The following KYAT3 variants were observed in gnomAD, a reference collection of about 807,000 sequenced individuals.
KYAT3 encodes kynurenine aminotransferase 3, also known as kynurenine--oxoglutarate transaminase 3.
Under a neutral mutation model 59.0 loss-of-function variants are expected in KYAT3, and 50 were observed. The ratio of observed to expected loss-of-function variants is 0.85; its 90% CI spans 0.68 to 1.07. The LOEUF (loss-of-function observed/expected upper bound fraction) is 1.07, where lower values mean the gene tolerates loss of function less well. KYAT3 is among the 50% of genes least tolerant of loss of function. The pLI, the probability that KYAT3 is intolerant of heterozygous loss-of-function variation, is 0.00. For synonymous variants in KYAT3, 148 were observed against 177.0 expected, an observed-to-expected ratio of 0.84 and a Z score of 1.30; for missense variants, 497 against 533.3, an observed-to-expected ratio of 0.93 and a Z score of 0.67.
At chr1:88,961,952 C>G (rs928933419) in intron 6 of KYAT3, 107 bp downstream of exon 6, 23 of 783,012 alleles carry the variant, frequency 2.9e-5, no homozygotes, top group Non-Finnish European at 4.6e-5. Context: ...TACAGGAAAT[C>G]TCCAAATGCA....
At chr1:88,974,649 A>C (rs1396341105) in intron 2 of KYAT3, among the ~76,000 whole-genome samples, 1 of 151,676 alleles carries the variant, frequency 6.6e-6, no homozygotes, top group African/African-American at 2.4e-5. Flanking sequence ...GGACTTGGAG[A>C]ACTTTTCTGT....
chr1:88,980,298 G>GT (rs968359275), intron 2 of KYAT3: 7 of 152,604 alleles, frequency 4.6e-5, no homozygotes, highest in African/African-American at 1.7e-4. Flanking sequence ...ACAGTTTACT[G>GT]TAACTTGATA....
intron 13 of KYAT3, among the ~76,000 whole-genome samples, chr1:88,939,818 T>A (rs1464607638): frequency 6.6e-6 from 1 of 152,150 alleles, no homozygotes; most frequent in Non-Finnish European, 1.5e-5. Flanking sequence ...TCTTTTCAAT[T>A]TCCTACCTGA....
chr1:88,952,330 T>C (rs1675708449), intron 10 of KYAT3, among the ~76,000 whole-genome samples: 1 of 152,206 alleles, frequency 6.6e-6, no homozygotes, highest in Non-Finnish European at 1.5e-5. Flanking sequence ...TGATATGGTT[T>C]GGATCTGTGT....
At chr1:88,969,655 C>CTT (rs34051025) in intron 2 of KYAT3, among the ~76,000 whole-genome samples, 188 bp from the exon 3 acceptor site, 4,626 of 146,220 alleles carry the variant, frequency 0.032, 216 homozygotes, top group African/African-American at 0.11. Context: ...GAAGGAATGC[C>CTT]TTTTTTTTTT....
chr1:88,955,347 ATAGTT>A, intron 8 of KYAT3, 122 bp from the exon 9 acceptor site: 2 of 610,402 alleles, frequency 3.3e-6, no homozygotes, highest in South Asian at 2.2e-5. Context: ...TTTAGCCAGT[ATAGTT>A]ATTTCTAGTT....
In KYAT3 at chr1:88,939,073, T is replaced by G. The variant is rs1675142966; in HGVS notation, c.1303-2828A>C. On this transcript the variant is annotated intron_variant, in intron 13 of 13. Transcript: ENST00000260508. The stretch of plus-strand genomic sequence containing the variant: ...TCCCACTCTCAATTTGTGAGAGTGT[T>G]TTATGAAACTTTTAGTTGTTTTGGT... Among the ~76,000 whole-genome samples the G allele has an allele frequency of 3.3e-5, 5 of 152,280 alleles. No individual in the cohort carries two copies. The South Asian group carries it at 1.0e-3, about 32-fold the overall frequency.
intron 1 of KYAT3, among the ~76,000 whole-genome samples, chr1:88,989,123 T>C (rs935221376): frequency 6.6e-6 from 1 of 152,240 alleles, no homozygotes; most frequent in Non-Finnish European, 1.5e-5. Flanking sequence ...TCTGAGAATG[T>C]TGTTCTCTTA....
chr1:88,935,146 A>T (rs372760981), downstream of KYAT3, among the ~76,000 whole-genome samples: 38 of 150,960 alleles, frequency 2.5e-4, no homozygotes, highest in East Asian at 1.4e-3. Flanking sequence ...GGAATACGCC[A>T]CCACGCCCAG....
intron 11 of KYAT3, among the ~76,000 whole-genome samples, chr1:88,946,866 A>G (rs1675465879): frequency 6.6e-6 from 1 of 152,224 alleles, no homozygotes; most frequent in African/African-American, 2.4e-5. Context: ...AAATGAAGAA[A>G]TAAGCTAATG....
intron 2 of KYAT3, chr1:88,983,984 T>G: frequency 1.6e-6 from 1 of 628,620 alleles, no homozygotes; most frequent in South Asian, 1.8e-5. Flanking sequence ...TGGATGCTTT[T>G]TAAGGTATGG....
At chr1:88,952,932 A>G in intron 10 of KYAT3, 131 bp downstream of exon 10, 1 of 595,972 alleles carries the variant, frequency 1.7e-6, no homozygotes, top group Non-Finnish European at 3.0e-6. Flanking sequence ...TGCTCCCCAA[A>G]TTCCAAATTA....
At chr1:88,934,283 G>A (rs1164525754), downstream of KYAT3, among the ~76,000 whole-genome samples, 1 of 152,004 alleles carries the variant, frequency 6.6e-6, no homozygotes, top group African/African-American at 2.4e-5. Flanking sequence ...GGTGAAACCT[G>A]TCTCTACTAA....
At chr1:88,991,616 C>T (rs1371475211) in intron 1 of KYAT3, among the ~76,000 whole-genome samples, 1 of 152,142 alleles carries the variant, frequency 6.6e-6, no homozygotes, top group Non-Finnish European at 1.5e-5. Flanking sequence ...AGAACAAGAG[C>T]GGAAAGAATT....
the KYAT3 span, among the ~76,000 whole-genome samples, chr1:88,928,097 A>G: frequency 6.6e-6 from 1 of 152,252 alleles, no homozygotes; most frequent in Non-Finnish European, 1.5e-5. Context: ...GAAGAAGCCT[A>G]TGAATTATTC....
intron 2 of KYAT3, chr1:88,979,385 G>A (rs1676959035): frequency 6.6e-6 from 1 of 152,096 alleles, no homozygotes; most frequent in Non-Finnish European, 1.5e-5. Context: ...ATCATTCAGT[G>A]GGCTCAAGTA....
intron 11 of KYAT3, among the ~76,000 whole-genome samples, chr1:88,946,044 A>T (rs1259787218): frequency 6.6e-6 from 1 of 152,228 alleles, no homozygotes; most frequent in East Asian, 1.9e-4. Flanking sequence ...GAAACTAATT[A>T]GGAGCTTAAT....
At chr1:88,928,257 C>T in the KYAT3 span, among the ~76,000 whole-genome samples, 1 of 152,058 alleles carries the variant, frequency 6.6e-6, no homozygotes, top group Non-Finnish European at 1.5e-5. Context: ...ACTCAGTCAG[C>T]TGCAGACATT....
In KYAT3 at chr1:88,945,085, A is replaced by T. The variant is rs955822871; in HGVS notation, c.1142-1662T>A. 9.2e-5 allele frequency among the ~76,000 whole-genome samples: 14 copies of T among 152,126 alleles called. 1 individual carries two copies. The highest frequency in any genetic ancestry group is 6.8e-3 in the Middle Eastern group (2 of 294). On this transcript the variant is annotated intron_variant, in intron 11 of 13. Transcript: ENST00000260508. The stretch of plus-strand genomic sequence containing the variant: ...TCTCAAACTCCTGACCTTAAGTGAT[A>T]CACCCGCCTCGGCCTCCCAAAGTGC...
Sources: allele counts gnomAD v4.1 joint callset (sites outside exome capture counted in the v4.1 genomes callset), GRCh38; gene constraint gnomAD v4.1.1; transcripts MANE v1.5; gene names NCBI Gene and HGNC (gene_info 2026-07-23, HGNC 2026-07-21).